PTPRO: variants seen among roughly 807,000 people sequenced by gnomAD.
PTPRO encodes receptor-type tyrosine-protein phosphatase O.
PTPRO carries 62 observed loss-of-function variants against 145.2 expected under a neutral mutation model. The observed-to-expected ratio is 0.43, with a 90% CI of 0.35 to 0.53. PTPRO has a LOEUF of 0.53. Among genes scored for constraint, PTPRO ranks in the 20% least tolerant of loss-of-function variants. The pLI is 0.01. For synonymous variants in PTPRO, 565 were observed against 514.7 expected (o/e 1.10, Z -1.32); for missense variants, 1,345 against 1,482.7 (o/e 0.91, Z 1.53).
Position 15,448,339 on chromosome 12 carries a change from T to TAAAAAAAAAAACAAAAAAAA in PTPRO, c.76-35624_76-35623insCAAAAAAAAAAAAAAAAAAA, listed in dbSNP as rs1940957357. On this transcript the variant is annotated intron_variant, in intron 1 of 26. Transcript: ENST00000281171. ...CTCTATTCTATCTTCCTGTTCCTAG[T>TAAAAAAAAAAACAAAAAAAA]AAAAAAAAAAAAAAAAAAAAAGCAC... is the stretch of plus-strand genomic sequence containing the variant. Among the ~76,000 whole-genome samples the TAAAAAAAAAAACAAAAAAAA allele has an allele frequency of 4.4e-5, 2 of 45,020 alleles. 1 individual carries two copies. The highest frequency in any genetic ancestry group is 8.5e-5 in the Non-Finnish European group (2 of 23,414). 29.5% of individuals were successfully genotyped at this position (45,020 alleles called of 152,430 possible). A position where few individuals can be genotyped will look rare whatever the true frequency, so the allele number is the denominator to read the frequency against.
At chr12:15,358,822 C>G (rs181382248) in intron 1 of PTPRO, among the ~76,000 whole-genome samples, 15 of 152,304 alleles carry the variant, frequency 9.8e-5, no homozygotes, top group Non-Finnish European at 2.1e-4. Context: ...AGGCCAACAT[C>G]GAAAGTTTGT....
At chr12:15,345,251 T>C (rs1011011633) in intron 1 of PTPRO, among the ~76,000 whole-genome samples, 2 of 152,162 alleles carry the variant, frequency 1.3e-5, no homozygotes, top group Non-Finnish European at 2.9e-5. Context: ...ATTGTCTGTG[T>C]CAATTATTTT....
At chr12:15,528,525 A>G (rs921562935) in intron 12 of PTPRO, among the ~76,000 whole-genome samples, 3 of 151,476 alleles carry the variant, frequency 2.0e-5, no homozygotes, top group Admixed American at 6.6e-5. Flanking sequence ...AATCTGTCAA[A>G]AAAAAAAAAG....
intron 18 of PTPRO, 151 bp from the exon 19 acceptor site, chr12:15,569,266 C>G: frequency 2.9e-6 from 2 of 682,314 alleles, no homozygotes; most frequent in East Asian, 2.8e-5. Flanking sequence ...GGATTGGTAA[C>G]TTGAACCAAA....
chr12:15,433,873 T>C (rs958709399), intron 1 of PTPRO, among the ~76,000 whole-genome samples: 3 of 152,148 alleles, frequency 2.0e-5, no homozygotes, highest in Non-Finnish European at 2.9e-5. Flanking sequence ...TTTAAAATAG[T>C]TTTTTTCTAG....
At chr12:15,378,052 A>G (rs1486871673) in intron 1 of PTPRO, among the ~76,000 whole-genome samples, 2 of 152,084 alleles carry the variant, frequency 1.3e-5, no homozygotes, top group Admixed American at 1.3e-4. Flanking sequence ...CAAAGATCTT[A>G]AAACAATAGC....
rs1216438774 is a variant in PTPRO, at chr12:15,513,211, AAG to A, written c.1465-2285_1465-2284del. ...AAAGAAAGAAAGAAAGAAAGAAAGAAAGAAAGAAAGAAAGAAAAGAAAGAAAG... is the reference window on the plus strand; with the variant it reads ...AAAGAAAGAAAGAAAGAAAGAAAGAAAAAGAAAGAAAGAAAAGAAAGAAAG... On this transcript the variant is annotated intron_variant, in intron 7 of 26. Coordinates refer to ENST00000281171, the MANE Select transcript of PTPRO (RefSeq NM_030667.3). Among the ~76,000 whole-genome samples the A allele has an allele frequency of 1.5e-5, 2 of 132,666 alleles. 1 individual carries two copies. The highest frequency in any genetic ancestry group is 4.3e-4 in the East Asian group (2 of 4,608). The allele number at this position is 132,666 out of a possible 152,430, so 87.0% of individuals were successfully genotyped here.
At position 15,524,886 on chromosome 12, in the gene PTPRO, A is replaced by T. The variant is rs1942806073; in HGVS notation, c.1964A>T (p.Asp655Val). Reference protein sequence around the residue: ...SLLYISWTYGDDTTDLSHSRM... With the variant: ...SLLYISWTYGVDTTDLSHSRM... The stretch of plus-strand genomic sequence containing the variant: ...TTATATATCAGTTGGACATATGGGG[A>T]TGATACAACGGACTTGTCCCATTCT... The change falls in exon 11 of 27, where the codon GAT becomes GTT. Residue 655 changes from aspartate (D) to valine (V), a missense_variant. Transcript: ENST00000281171. 1 of 1,613,394 alleles carries T rather than the reference A, an allele frequency of 6.2e-7. No homozygotes were observed. Among genetic ancestry groups the T allele is most frequent in the African/African-American group, 1.3e-5 (1 of 74,886 alleles).
At chr12:15,395,896 T>C (rs1365463307) in intron 1 of PTPRO, among the ~76,000 whole-genome samples, 1 of 151,954 alleles carries the variant, frequency 6.6e-6, no homozygotes, top group Non-Finnish European at 1.5e-5. Context: ...CCAGAAAAGA[T>C]TGATTAAGCA....
intron 4 of PTPRO, 64 bp downstream of exon 4, chr12:15,499,658 AT>A: frequency 1.3e-6 from 2 of 1,523,330 alleles, no homozygotes; most frequent in South Asian, 1.1e-5. Context: ...CTGTACATTT[AT>A]TTTTTATCCT....
intron 1 of PTPRO, among the ~76,000 whole-genome samples, chr12:15,332,203 G>A (rs1416743991): frequency 6.6e-6 from 1 of 152,054 alleles, no homozygotes; most frequent in African/African-American, 2.4e-5. Context: ...CTGACCTCAG[G>A]AGAATAATGA....
At chr12:15,595,139 G>A in intron 26 of PTPRO, 82 bp downstream of exon 26, 1 of 869,188 alleles carries the variant, frequency 1.2e-6, no homozygotes, top group Admixed American at 1.9e-5. Context: ...AAAGACAGCA[G>A]TAGCCATTTG....
chr12:15,582,339 C>T (rs769315055), intron 23 of PTPRO, among the ~76,000 whole-genome samples: 2 of 152,234 alleles, frequency 1.3e-5, no homozygotes, highest in Non-Finnish European at 2.9e-5. Flanking sequence ...TCCCAACAGA[C>T]ACCTACACCA....
intron 7 of PTPRO, among the ~76,000 whole-genome samples, chr12:15,509,910 G>A (rs1942404647): frequency 1.3e-5 from 2 of 152,052 alleles, no homozygotes; most frequent in African/African-American, 4.8e-5. Context: ...GCCCAGAGTG[G>A]ACCTTGCTCT....
At chr12:15,567,601 A>C (rs541595873) in intron 18 of PTPRO, among the ~76,000 whole-genome samples, 36 of 152,166 alleles carry the variant, frequency 2.4e-4, no homozygotes, top group Admixed American at 2.0e-3. Flanking sequence ...CCATTTTCCT[A>C]GTAACAAGAT....
intron 1 of PTPRO, among the ~76,000 whole-genome samples, chr12:15,412,874 A>G (rs1213277036): frequency 6.6e-6 from 1 of 152,144 alleles, no homozygotes; most frequent in Non-Finnish European, 1.5e-5. Context: ...TCTCACTACA[A>G]ACTTCACCTC....
rs532792857 is a variant in PTPRO, at chr12:15,492,795, T to C, written c.350-4450T>C. Reference sequence around the variant, plus strand: ...ATACCATGCAATTTGCCTCATAATATAGCACAGTGAGGCAATTCACAGGCA... The same window carrying C: ...ATACCATGCAATTTGCCTCATAATACAGCACAGTGAGGCAATTCACAGGCA... On this transcript the variant is annotated intron_variant, in intron 2 of 26. Transcript: ENST00000281171. 1.2e-4 allele frequency among the ~76,000 whole-genome samples: 19 copies of C among 152,156 alleles called. 1 individual carries two copies. Among genetic ancestry groups the C allele is most frequent in the African/African-American group, 4.6e-4 (19 of 41,520 alleles).
intron 15 of PTPRO, 54 bp downstream of exon 15, chr12:15,551,725 G>T: frequency 6.3e-7 from 1 of 1,578,896 alleles, no homozygotes; most frequent in Non-Finnish European, 8.7e-7. Context: ...ATCTTTATCT[G>T]CCATATATAT....
chr12:15,578,813 C>T (rs1331981757), intron 19 of PTPRO, 40 bp from the exon 20 acceptor site: 9 of 1,432,590 alleles, frequency 6.3e-6, no homozygotes, highest in Non-Finnish European at 8.9e-6. Context: ...CAATTCACAC[C>T]ACGTATGGAA....
Sources: gnomAD v4.1 joint callset for allele counts (sites outside exome capture counted in the v4.1 genomes callset) on GRCh38, gnomAD v4.1.1 for gene constraint, MANE v1.5 for transcripts, NCBI Gene and HGNC (gene_info 2026-07-23, HGNC 2026-07-21) for gene names.